The following FMNL2 variants were observed in gnomAD, a reference collection of about 807,000 sequenced individuals.
FMNL2 encodes formin like 2.
In FMNL2, 51 loss-of-function variants were observed where a neutral mutation model predicts 130.2. The observed-to-expected ratio is 0.39, with a 90% CI of 0.31 to 0.49. The LOEUF is 0.49. Among genes scored for constraint, FMNL2 ranks in the 20% least tolerant of loss-of-function variants. FMNL2 has a pLI of 0.85. For synonymous variants in FMNL2, 465 were observed against 467.1 expected, an observed-to-expected ratio of 1.00 and a Z score of 0.06; for missense variants, 977 against 1,316.2, an observed-to-expected ratio of 0.74 and a Z score of 3.99.
At chr2:152,410,367 G>A (rs1406162888) in intron 1 of FMNL2, among the ~76,000 whole-genome samples, 1 of 152,212 alleles carries the variant, frequency 6.6e-6, no homozygotes, top group Non-Finnish European at 1.5e-5. Flanking sequence ...TACAGTGATA[G>A]TCATTGATTG....
At position 152,475,869 on chromosome 2, in the gene FMNL2, C is replaced by T. The variant is rs187089661; in HGVS notation, c.118-46074C>T. Among the ~76,000 whole-genome samples the T allele has an allele frequency of 1.2e-3, 180 of 152,174 alleles. 1 individual carries two copies. The highest frequency in any genetic ancestry group is 1.8e-3 in the Non-Finnish European group (122 of 67,996). On this transcript the variant is annotated intron_variant, in intron 1 of 25. Transcript: ENST00000288670. ...GTGAGGTGATGAATTTGTTAATTTGCCTTATTTAATCTTTCTACAGTGTAT... is the reference window on the plus strand; with the variant it reads ...GTGAGGTGATGAATTTGTTAATTTGTCTTATTTAATCTTTCTACAGTGTAT...
intron 9 of FMNL2, among the ~76,000 whole-genome samples, chr2:152,605,910 G>A (rs1233235237): frequency 1.3e-5 from 2 of 152,176 alleles, no homozygotes; most frequent in Admixed American, 1.3e-4. Flanking sequence ...CTTCATCATG[G>A]AGAACAGGAA....
chr2:152,517,273 T>A (rs1453387948), intron 1 of FMNL2, among the ~76,000 whole-genome samples: 2 of 152,216 alleles, frequency 1.3e-5, no homozygotes. Flanking sequence ...ACATTGTTAA[T>A]AGCTATAATA....
intron 1 of FMNL2, among the ~76,000 whole-genome samples, chr2:152,454,118 A>G (rs1224802328): frequency 6.7e-6 from 1 of 149,298 alleles, no homozygotes; most frequent in Admixed American, 7.1e-5. Context: ...TGCTAAAAAT[A>G]CAAAAAAATT....
intron 7 of FMNL2, among the ~76,000 whole-genome samples, chr2:152,578,214 T>A (rs1176802666): frequency 6.6e-6 from 1 of 152,058 alleles, no homozygotes; most frequent in African/African-American, 2.4e-5. Flanking sequence ...GAGCTGAGAG[T>A]GAGTTTTGAG....
intron 4 of FMNL2, among the ~76,000 whole-genome samples, chr2:152,554,861 A>G (rs1007678754): frequency 6.6e-6 from 1 of 152,184 alleles, no homozygotes; most frequent in East Asian, 1.9e-4. Context: ...CGCAACTCAA[A>G]CAATTTCACA....
At chr2:152,588,835 G>C (rs1697228164) in intron 9 of FMNL2, among the ~76,000 whole-genome samples, 1 of 152,072 alleles carries the variant, frequency 6.6e-6, no homozygotes, top group Admixed American at 6.6e-5. Flanking sequence ...ATGCTCCCCA[G>C]TCACATTGGC....
intron 1 of FMNL2, among the ~76,000 whole-genome samples, chr2:152,517,764 C>T (rs773673527): frequency 4.6e-5 from 7 of 152,170 alleles, no homozygotes; most frequent in Non-Finnish European, 5.9e-5. Context: ...TGTCTTCCAT[C>T]GACCTTTGGC....
intron 9 of FMNL2, among the ~76,000 whole-genome samples, chr2:152,596,680 G>A (rs902922387): frequency 1.3e-5 from 2 of 152,150 alleles, no homozygotes; most frequent in African/African-American, 2.4e-5. Context: ...CAGCACTTAG[G>A]GAGATTGACT....
At position 152,639,202 on chromosome 2, in the gene FMNL2, A is replaced by C. The variant is rs1188931513; in HGVS notation, c.2947-756A>C. Among the ~76,000 whole-genome samples, 10 of 152,350 alleles carry C rather than the reference A, an allele frequency of 6.6e-5. No individual in the cohort carries two copies. The East Asian group carries it at 1.9e-3, about 29-fold the overall frequency. ...TAGGCAGAGGTTGGGGTTTTAGGAC[A>C]TCATCCCTCTCATATAGACCAAAAT... is the stretch of plus-strand genomic sequence containing the variant. On this transcript the variant is annotated intron_variant, in intron 23 of 25. Transcript: ENST00000288670.
intron 6 of FMNL2, among the ~76,000 whole-genome samples, chr2:152,570,306 A>T (rs895272697): frequency 2.0e-5 from 3 of 152,208 alleles, no homozygotes; most frequent in African/African-American, 4.8e-5. Flanking sequence ...TGCTAGGGTA[A>T]CATTTAGAGT....
intron 20 of FMNL2, among the ~76,000 whole-genome samples, chr2:152,631,118 G>A (rs897688910): frequency 6.6e-6 from 1 of 152,144 alleles, no homozygotes; most frequent in Non-Finnish European, 1.5e-5. Context: ...AGGCCTGGTG[G>A]CTCACACCTG....
intron 1 of FMNL2, among the ~76,000 whole-genome samples, chr2:152,454,331 A>AATC (rs1688830406): frequency 1.3e-5 from 2 of 152,224 alleles, no homozygotes; most frequent in Non-Finnish European, 2.9e-5. Flanking sequence ...AATATGAAAT[A>AATC]AAGTGGCAAA....
At chr2:152,354,770 G>A (rs6704965) in intron 1 of FMNL2, among the ~76,000 whole-genome samples, 117,430 of 152,094 alleles carry the variant, frequency 0.77, 46,289 homozygotes, top group Admixed American at 0.86. Context: ...TTTTTAAGTT[G>A]GTGAGATAAA....
intron 2 of FMNL2, among the ~76,000 whole-genome samples, chr2:152,537,625 GAAAGAAGTGACT>G (rs1694066576): frequency 1.3e-5 from 2 of 151,428 alleles, no homozygotes; most frequent in Non-Finnish European, 2.9e-5. Flanking sequence ...CTTAATTTAT[GAAAGAAGTGACT>G]TGTATGTGAC....
At chr2:152,453,146 A>C (rs1247897542) in intron 1 of FMNL2, among the ~76,000 whole-genome samples, 1 of 149,356 alleles carries the variant, frequency 6.7e-6, no homozygotes, top group Non-Finnish European at 1.5e-5. Context: ...AGGTTGCAGC[A>C]AGCCAAGATC....
intron 1 of FMNL2, among the ~76,000 whole-genome samples, chr2:152,355,180 G>T (rs1156317544): frequency 6.6e-6 from 1 of 152,124 alleles, no homozygotes; most frequent in South Asian, 2.1e-4. Context: ...TTTTGGCGGG[G>T]TGCTAGACGT....
intron 4 of FMNL2, among the ~76,000 whole-genome samples, chr2:152,556,211 T>C (rs185155285): frequency 7.0e-4 from 107 of 152,306 alleles, no homozygotes; most frequent in Non-Finnish European, 1.1e-3. Flanking sequence ...TTTGCTAAGC[T>C]AACCTGATAC....
intron 1 of FMNL2, among the ~76,000 whole-genome samples, chr2:152,415,266 C>T (rs778338895): frequency 2.6e-5 from 4 of 152,098 alleles, no homozygotes; most frequent in Non-Finnish European, 4.4e-5. Flanking sequence ...AGGTTCTTGG[C>T]TCGGAGACAG....
Sources: gnomAD v4.1 joint callset for allele counts (sites outside exome capture counted in the v4.1 genomes callset) on GRCh38, gnomAD v4.1.1 for gene constraint, MANE v1.5 for transcripts, NCBI Gene and HGNC (gene_info 2026-07-23, HGNC 2026-07-21) for gene names.